The following SRGAP1 variants were observed in gnomAD, a reference collection of about 807,000 sequenced individuals.
SRGAP1 encodes SLIT-ROBO Rho GTPase activating protein 1.
In SRGAP1, 43 loss-of-function variants were observed where a neutral mutation model predicts 121.9. The ratio of observed to expected loss-of-function variants is 0.35; its 90% CI spans 0.28 to 0.46. The LOEUF is 0.46. Among genes scored for constraint, SRGAP1 ranks in the 20% least tolerant of loss-of-function variants. The pLI, the probability that SRGAP1 is intolerant of heterozygous loss-of-function variation, is 1.00. For synonymous variants in SRGAP1, 447 were observed against 485.4 expected, an observed-to-expected ratio of 0.92 and a Z score of 1.04; for missense variants, 1,102 against 1,350.9, an observed-to-expected ratio of 0.82 and a Z score of 2.89.
At chr12:64,032,056 A>G (rs527246974) in intron 4 of SRGAP1, among the ~76,000 whole-genome samples, 10 of 152,326 alleles carry the variant, frequency 6.6e-5, no homozygotes, top group African/African-American at 2.2e-4. Flanking sequence ...CCTTAGTTCA[A>G]CTAAAGACAG....
At chr12:64,031,336 A>G (rs1416630743) in intron 4 of SRGAP1, among the ~76,000 whole-genome samples, 4 of 151,426 alleles carry the variant, frequency 2.6e-5, no homozygotes, top group Non-Finnish European at 5.9e-5. Flanking sequence ...AAAAAAAAAA[A>G]TAGCTGCCAT....
At chr12:64,074,773 A>AG (rs2035703939) in intron 8 of SRGAP1, among the ~76,000 whole-genome samples, 1 of 152,174 alleles carries the variant, frequency 6.6e-6, no homozygotes, top group Non-Finnish European at 1.5e-5. Flanking sequence ...GCACAAGTAA[A>AG]GGCTTCCATT....
At position 63,933,385 on chromosome 12, in the gene SRGAP1, A is replaced by G. The variant is rs140623550; in HGVS notation, c.68-50562A>G. Among the ~76,000 whole-genome samples the G allele has an allele frequency of 4.7e-4, 72 of 152,256 alleles. No individual in the cohort carries two copies. The East Asian group carries it at 0.012, about 26-fold the overall frequency. ...ATACACAGATGCATACCTAGGTTAT[A>G]TGTGGTAGGGAAGTATAAGGATGGA... On this transcript the variant is annotated intron_variant, in intron 1 of 21. Transcript: ENST00000355086.
rs867875449 is a variant in SRGAP1, at chr12:64,064,845, C to T, written c.1024-273C>T. Among the ~76,000 whole-genome samples the T allele has an allele frequency of 1.8e-4, 28 of 152,314 alleles. 1 individual carries two copies. The highest frequency in any genetic ancestry group is 6.3e-4 in the African/African-American group (26 of 41,576). On this transcript the variant is annotated intron_variant, in intron 7 of 21. Coordinates refer to ENST00000355086, the MANE Select transcript of SRGAP1 (RefSeq NM_020762.4). ...CGAGTGAGATTTCAGCATCGGAGCTCCATCGCAGGAACCGCCCCATTCTTA... is the reference window on the plus strand; with the variant it reads ...CGAGTGAGATTTCAGCATCGGAGCTTCATCGCAGGAACCGCCCCATTCTTA...
intron 1 of SRGAP1, among the ~76,000 whole-genome samples, chr12:63,909,967 G>A (rs1481810963): frequency 1.3e-5 from 2 of 152,170 alleles, no homozygotes; most frequent in African/African-American, 4.8e-5. Flanking sequence ...AAGTCAACCC[G>A]TTATAGATGT....
rs1478479900 is a variant in SRGAP1, at chr12:64,149,820, A to G, written c.*7148A>G. 1.3e-5 allele frequency: 2 copies of G among 152,210 alleles called. No homozygotes were observed. The highest frequency in any genetic ancestry group is 1.3e-4 in the Admixed American group (2 of 15,278). The allele number at this position is 152,210 out of a possible 1,614,324, so 9.4% of individuals were successfully genotyped here. A position where few individuals can be genotyped will look rare whatever the true frequency, so the allele number is the denominator to read the frequency against. Reference sequence around the variant, plus strand: ...TCCACAGGCCATATAGCCCTGGAAAATATTGGGAAACTGAGGCATGGGTTG... The same window carrying G: ...TCCACAGGCCATATAGCCCTGGAAAGTATTGGGAAACTGAGGCATGGGTTG... On this transcript the variant is annotated 3_prime_UTR_variant, in exon 22 of 22. Coordinates refer to ENST00000355086, the MANE Select transcript of SRGAP1 (RefSeq NM_020762.4).
chr12:64,052,328 C>A (rs2136520407), intron 6 of SRGAP1, among the ~76,000 whole-genome samples: 1 of 152,036 alleles, frequency 6.6e-6, no homozygotes, highest in East Asian at 1.9e-4. Context: ...CTGAGGCAGG[C>A]AGATCACCTG....
intron 1 of SRGAP1, among the ~76,000 whole-genome samples, chr12:63,925,040 T>G (rs1050614028): frequency 2.0e-5 from 3 of 152,236 alleles, no homozygotes; most frequent in African/African-American, 7.2e-5. Flanking sequence ...GAGGGGTGAC[T>G]GTCACTGCAT....
chr12:64,139,973 T>C (rs1458900107), intron 21 of SRGAP1, among the ~76,000 whole-genome samples: 1 of 151,646 alleles, frequency 6.6e-6, no homozygotes, highest in Non-Finnish European at 1.5e-5. Flanking sequence ...TAGCCAGTTT[T>C]CCCAGCACCA....
In SRGAP1 at chr12:64,145,242, TA is replaced by T. The variant is rs1261615675; in HGVS notation, c.*2571del. On this transcript the variant is annotated 3_prime_UTR_variant, in exon 22 of 22. Transcript: ENST00000355086. ...AAAGGGCCAGAGGTGTCTTTGAATT[TA>T]TTTTTTTTCAATGTCTTTTCTGAGC... 4 of 152,348 alleles carry T rather than the reference TA, an allele frequency of 2.6e-5. No individual in the cohort carries two copies. The highest frequency in any genetic ancestry group is 9.6e-5 in the African/African-American group (4 of 41,582). 9.4% of individuals were successfully genotyped at this position (152,348 alleles called of 1,614,324 possible).
At chr12:64,023,204 CAAAAA>C (rs11312893) in intron 4 of SRGAP1, among the ~76,000 whole-genome samples, 8 of 77,078 alleles carry the variant, frequency 1.0e-4, no homozygotes, top group African/African-American at 2.0e-4. Context: ...ACTTTTGTAC[CAAAAA>C]AAAAAAAAAA....
intron 1 of SRGAP1, among the ~76,000 whole-genome samples, chr12:63,967,482 G>A (rs2032822349): frequency 6.6e-6 from 1 of 152,196 alleles, no homozygotes; most frequent in Non-Finnish European, 1.5e-5. Flanking sequence ...ACTAGCATGA[G>A]TCATATTGTT....
At chr12:63,994,584 T>C (rs1223084022) in intron 3 of SRGAP1, among the ~76,000 whole-genome samples, 1 of 152,186 alleles carries the variant, frequency 6.6e-6, no homozygotes, top group Non-Finnish European at 1.5e-5. Context: ...TGAGGCTGAA[T>C]TGATTTCTTC....
chr12:63,922,572 C>G (rs1297111632), intron 1 of SRGAP1, among the ~76,000 whole-genome samples: 1 of 152,194 alleles, frequency 6.6e-6, no homozygotes, highest in Non-Finnish European at 1.5e-5. Context: ...GATCCTACTT[C>G]AACCTACTTT....
At chr12:64,100,690 T>C (rs964604991) in intron 15 of SRGAP1, among the ~76,000 whole-genome samples, 1 of 152,220 alleles carries the variant, frequency 6.6e-6, no homozygotes, top group Non-Finnish European at 1.5e-5. Flanking sequence ...ACATACATAT[T>C]GACACTAACA....
chr12:64,128,754 T>C (rs1377518452), intron 21 of SRGAP1, among the ~76,000 whole-genome samples: 1 of 152,194 alleles, frequency 6.6e-6, no homozygotes, highest in Admixed American at 6.5e-5. Flanking sequence ...ATGTGATCAA[T>C]AATAGATAGA....
chr12:64,139,951 T>C (rs1288510283), intron 21 of SRGAP1, among the ~76,000 whole-genome samples: 1 of 151,766 alleles, frequency 6.6e-6, no homozygotes, highest in Non-Finnish European at 1.5e-5. Context: ...GTTTCAGCTT[T>C]CTCCATATGG....
At chr12:64,131,654 AC>A (rs2036786581) in intron 21 of SRGAP1, among the ~76,000 whole-genome samples, 1 of 152,196 alleles carries the variant, frequency 6.6e-6, no homozygotes, top group Non-Finnish European at 1.5e-5. Flanking sequence ...CATTTGAGCC[AC>A]TTCCTCATGT....
chr12:64,099,246 T>G (rs1327243407), intron 15 of SRGAP1, among the ~76,000 whole-genome samples: 1 of 152,092 alleles, frequency 6.6e-6, no homozygotes, highest in Non-Finnish European at 1.5e-5. Context: ...CCTTACATCA[T>G]AGGGTTGTGA....
Sources: gnomAD v4.1 joint callset for allele counts (sites outside exome capture counted in the v4.1 genomes callset) on GRCh38, gnomAD v4.1.1 for gene constraint, MANE v1.5 for transcripts, NCBI Gene and HGNC (gene_info 2026-07-23, HGNC 2026-07-21) for gene names.